Variants in IGSF21 observed in about 807,000 individuals in gnomAD.
IGSF21 encodes the protein immunoglobulin superfamily member 21.
Under a neutral mutation model 46.8 loss-of-function variants are expected in IGSF21, and 28 were observed. The ratio of observed to expected loss-of-function variants is 0.60; its 90% CI spans 0.44 to 0.82. IGSF21 has a LOEUF of 0.82. Ranked by LOEUF, IGSF21 falls within the 40% of genes least tolerant of loss-of-function variation. The probability of loss-of-function intolerance (pLI) is 0.00; values close to 1 mark genes in which losing one functional copy is unlikely to be tolerated. For missense variants in IGSF21, 624 were observed against 665.5 expected (o/e 0.94, Z 0.69); for synonymous variants, 284 against 273.6 (o/e 1.04, Z -0.38).
At chr1:18,149,615 C>A (rs2086502415) in intron 1 of IGSF21, among the ~76,000 whole-genome samples, 2 of 151,948 alleles carry the variant, frequency 1.3e-5, no homozygotes, top group Non-Finnish European at 2.9e-5. Context: ...CGGTGGCAGG[C>A]CAGCCTGACA....
At chr1:18,194,548 C>T (rs1195001851) in intron 1 of IGSF21, among the ~76,000 whole-genome samples, 3 of 152,166 alleles carry the variant, frequency 2.0e-5, no homozygotes, top group Admixed American at 1.3e-4. Flanking sequence ...GGATGCCTTG[C>T]TCCAAGCTCT....
chr1:18,357,124 T>C (rs2086027202), intron 4 of IGSF21, among the ~76,000 whole-genome samples: 1 of 139,314 alleles, frequency 7.2e-6, no homozygotes, highest in Non-Finnish European at 1.5e-5. Flanking sequence ...GAGAAGGAGA[T>C]TGAGATCGAG....
At chr1:18,115,893 GAAAGAAA>G (rs2086185217) in intron 1 of IGSF21, 1 of 96,782 alleles carries the variant, frequency 1.0e-5, no homozygotes, top group African/African-American at 3.8e-5. Context: ...AAGAAAGAAA[GAAAGAAA>G]GAAGGAGAGG....
chr1:18,246,906 T>A (rs2084789787), intron 2 of IGSF21, among the ~76,000 whole-genome samples: 1 of 152,118 alleles, frequency 6.6e-6, no homozygotes, highest in Non-Finnish European at 1.5e-5. Context: ...CTTTGTTGGT[T>A]ATTGATGCTG....
At chr1:18,185,524 G>T (rs1055891104) in intron 1 of IGSF21, among the ~76,000 whole-genome samples, 3 of 152,226 alleles carry the variant, frequency 2.0e-5, no homozygotes, top group Non-Finnish European at 4.4e-5. Flanking sequence ...TAAGCTGCAG[G>T]TTGTGCAGCC....
intron 1 of IGSF21, among the ~76,000 whole-genome samples, chr1:18,211,432 C>T (rs953261470): frequency 6.6e-6 from 1 of 152,206 alleles, no homozygotes; most frequent in Non-Finnish European, 1.5e-5. Context: ...AAGGAAACAG[C>T]GTTGTTACTG....
At chr1:18,278,815 A>G (rs775402620) in intron 2 of IGSF21, 1 of 470,408 alleles carries the variant, frequency 2.1e-6, no homozygotes. Context: ...CTCGGCCTCC[A>G]AAAGTGCTGG....
intron 2 of IGSF21, among the ~76,000 whole-genome samples, chr1:18,270,476 G>A (rs933093435): frequency 2.0e-5 from 3 of 152,216 alleles, no homozygotes; most frequent in Non-Finnish European, 4.4e-5. Context: ...CGGGCAAGAG[G>A]GAGCCCTTGG....
At chr1:18,361,101 G>C (rs2086095580) in intron 4 of IGSF21, among the ~76,000 whole-genome samples, 1 of 152,172 alleles carries the variant, frequency 6.6e-6, no homozygotes. Flanking sequence ...TGGAAGGAAA[G>C]ACTCCTGGCC....
At chr1:18,247,533 A>G (rs1274321571) in intron 2 of IGSF21, among the ~76,000 whole-genome samples, 1 of 152,128 alleles carries the variant, frequency 6.6e-6, no homozygotes, top group East Asian at 1.9e-4. Flanking sequence ...TGGGCCAGGA[A>G]GCAGCCCATC....
chr1:18,113,146 C>G (rs1256938666), intron 1 of IGSF21: 4 of 152,220 alleles, frequency 2.6e-5, no homozygotes, highest in Non-Finnish European at 5.9e-5. Flanking sequence ...GCCCTTACTA[C>G]TTGTAGGAGG....
chr1:18,377,596 G>A (rs1009027874), intron 9 of IGSF21, among the ~76,000 whole-genome samples, 165 bp downstream of exon 9: 5 of 152,202 alleles, frequency 3.3e-5, no homozygotes, highest in African/African-American at 1.2e-4. Context: ...AAAGTGGGCA[G>A]AGGTGGGTAC....
chr1:18,167,692 G>T (rs2086692580), intron 1 of IGSF21: 1 of 152,352 alleles, frequency 6.6e-6, no homozygotes, highest in Non-Finnish European at 1.5e-5. Flanking sequence ...GAACCTCATT[G>T]CATACCTCCA....
chr1:18,150,507 TTC>T (rs758930326), intron 1 of IGSF21, among the ~76,000 whole-genome samples: 17 of 152,276 alleles, frequency 1.1e-4, no homozygotes, highest in South Asian at 2.1e-4. Context: ...CTGTCCCCGA[TTC>T]TGTGTTAGCT....
intron 1 of IGSF21, among the ~76,000 whole-genome samples, chr1:18,151,364 C>T (rs1468132719): frequency 6.6e-6 from 1 of 152,246 alleles, no homozygotes; most frequent in Non-Finnish European, 1.5e-5. Flanking sequence ...TCTGGGGGCC[C>T]AGCCTCTTTC....
intron 3 of IGSF21, among the ~76,000 whole-genome samples, chr1:18,312,137 C>A (rs370146953): frequency 6.6e-6 from 1 of 152,194 alleles, no homozygotes; most frequent in Non-Finnish European, 1.5e-5. Context: ...CTCCCTCTTG[C>A]ACTAGAAATC....
chr1:18,278,183 T>C (rs1303880709), intron 2 of IGSF21, among the ~76,000 whole-genome samples: 2 of 151,730 alleles, frequency 1.3e-5, no homozygotes, highest in Admixed American at 6.6e-5. Context: ...GGGGGAGATA[T>C]GATAAAGCAA....
intron 1 of IGSF21, chr1:18,115,818 A>AAAGGAAGGAAGG: frequency 8.0e-6 from 1 of 124,976 alleles, no homozygotes; most frequent in Admixed American, 8.7e-5. Flanking sequence ...AGGGAGGAAG[A>AAAGGAAGGAAGG]CAGGAAGGAA....
chr1:18,111,526 G>A (rs2124398027), intron 1 of IGSF21: 1 of 152,330 alleles, frequency 6.6e-6, no homozygotes, highest in South Asian at 2.1e-4. Flanking sequence ...CTGCCCTGGT[G>A]GATGCTGGGG....
Sources: allele counts gnomAD v4.1 joint callset (sites outside exome capture counted in the v4.1 genomes callset), GRCh38; gene constraint gnomAD v4.1.1; transcripts MANE v1.5; gene names NCBI Gene and HGNC (gene_info 2026-07-23, HGNC 2026-07-21).